Variants in LRRC8C observed in about 807,000 individuals in gnomAD.
LRRC8C encodes leucine rich repeat containing 8 VRAC subunit C.
A neutral mutation model predicts 55.3 loss-of-function variants in LRRC8C; 20 were observed. The observed-to-expected ratio is 0.36, with a 90% confidence interval of 0.25 to 0.53. The LOEUF (loss-of-function observed/expected upper bound fraction) is 0.53. Among genes scored for constraint, LRRC8C ranks in the 20% least tolerant of loss-of-function variants. The pLI, the probability that LRRC8C is intolerant of heterozygous loss-of-function variation, is 0.92. For missense variants in LRRC8C, 659 were observed against 951.4 expected, an observed-to-expected ratio of 0.69 and a Z score of 4.04; for synonymous variants, 376 against 360.7, an observed-to-expected ratio of 1.04 and a Z score of -0.48.
chr1:89,669,759 A>G (rs1393528256), intron 1 of LRRC8C, among the ~76,000 whole-genome samples: 1 of 152,150 alleles, frequency 6.6e-6, no homozygotes, highest in Non-Finnish European at 1.5e-5. Context: ...TATGATTCTG[A>G]AGTATTATTT....
At chr1:89,616,016 G>C in the LRRC8C span, among the ~76,000 whole-genome samples, 2 of 152,210 alleles carry the variant, frequency 1.3e-5, no homozygotes, top group Admixed American at 1.3e-4. Flanking sequence ...TCCACAGACT[G>C]TTCAACATTT....
intron 1 of LRRC8C, among the ~76,000 whole-genome samples, chr1:89,655,635 C>T (rs1473376496): frequency 6.6e-6 from 1 of 152,160 alleles, no homozygotes; most frequent in African/African-American, 2.4e-5. Context: ...TATCATATGG[C>T]AGAAGCCATC....
In LRRC8C at chr1:89,693,646, CTTTTTTTTTTTT is replaced by C. The variant is rs35427989; in HGVS notation, c.138+7053_138+7064del. Among the ~76,000 whole-genome samples, 31 of 82,702 alleles carry C rather than the reference CTTTTTTTTTTTT, an allele frequency of 3.7e-4. 1 individual carries two copies. The East Asian group carries it at 6.4e-3, about 17-fold the overall frequency. 54.3% of individuals were successfully genotyped at this position (82,702 alleles called of 152,430 possible). A position where few individuals can be genotyped will look rare whatever the true frequency, so the allele number is the denominator to read the frequency against. On this transcript the variant is annotated intron_variant, in intron 2 of 2. Transcript: ENST00000370454. Reference sequence around the variant, plus strand: ...GTTCCTTTTCTTTTATCTTTTCTTCCTTTTTTTTTTTTTTTTTTTTTTTTTTTTTGAGACAGA... The same window carrying C: ...GTTCCTTTTCTTTTATCTTTTCTTCCTTTTTTTTTTTTTTTTTGAGACAGA...
At chr1:89,683,362 AT>A (rs71084957) in intron 1 of LRRC8C, among the ~76,000 whole-genome samples, 85 of 144,342 alleles carry the variant, frequency 5.9e-4, no homozygotes, top group African/African-American at 1.9e-3. Context: ...AGATAGACTA[AT>A]TTTTTTTTTT....
Position 89,712,777 on chromosome 1 carries a change from G to C in LRRC8C, c.207G>C (p.Ser69=). The change falls in exon 3 of 3, where the codon TCG becomes TCC. Residue 69 remains serine (S), a synonymous_variant. Transcript: ENST00000370454. ...CTGCTCAGAACCACTCTTCCCTTTC[G>C]AATGTCTCTCAAGCAGTTGCCAGTA... The part of the protein sequence containing the change: ...VQPAQNHSSL[S]NVSQAVASTT... 2 of 1,614,116 alleles carry C rather than the reference G, an allele frequency of 1.2e-6. No homozygotes were observed. Among genetic ancestry groups the C allele is most frequent in the South Asian group, 2.2e-5 (2 of 91,068 alleles).
chr1:89,710,953 A>G (rs934354312), intron 2 of LRRC8C, among the ~76,000 whole-genome samples: 6 of 152,206 alleles, frequency 3.9e-5, no homozygotes, highest in African/African-American at 1.4e-4. Flanking sequence ...CTCCTCATCT[A>G]TAAAATGGAA....
In LRRC8C at chr1:89,649,697, T is replaced by G. The variant is rs531068086; in HGVS notation, c.-5+16375T>G. On this transcript the variant is annotated intron_variant, in intron 1 of 2. Transcript: ENST00000370454. ...AAACACCTTTCCTTGAAACATTCTT[T>G]CAGGCACTATTCCTTTGCCCAGGGT... Among the ~76,000 whole-genome samples, 11 of 152,298 alleles carry G rather than the reference T, an allele frequency of 7.2e-5. 1 individual carries two copies. Among genetic ancestry groups the G allele is most frequent in the African/African-American group, 2.6e-4 (11 of 41,584 alleles).
chr1:89,635,128 A>G (rs1232838629), intron 1 of LRRC8C, among the ~76,000 whole-genome samples: 1 of 152,234 alleles, frequency 6.6e-6, no homozygotes, highest in Non-Finnish European at 1.5e-5. Flanking sequence ...GAGCTGTAAG[A>G]TAAATGAATG....
At chr1:89,695,664 T>C (rs1658154445) in intron 2 of LRRC8C, among the ~76,000 whole-genome samples, 1 of 152,222 alleles carries the variant, frequency 6.6e-6, no homozygotes, top group Non-Finnish European at 1.5e-5. Context: ...TATCTCATCA[T>C]TTTACCTTGT....
chr1:89,645,958 C>CAGGTAGATAGATAGAT (rs1656600729), intron 1 of LRRC8C, among the ~76,000 whole-genome samples: 1 of 150,194 alleles, frequency 6.7e-6, no homozygotes, highest in South Asian at 2.1e-4. Flanking sequence ...GGAAGATGAT[C>CAGGTAGATAGATAGAT]AGATAGATAG....
intron 2 of LRRC8C, among the ~76,000 whole-genome samples, chr1:89,703,159 G>T (rs572923307): frequency 2.0e-4 from 31 of 152,312 alleles, no homozygotes; most frequent in African/African-American, 6.3e-4. Context: ...AAGTGAACCT[G>T]CAGAAAATCC....
At chr1:89,669,781 T>C (rs1367714770) in intron 1 of LRRC8C, among the ~76,000 whole-genome samples, 1 of 152,194 alleles carries the variant, frequency 6.6e-6, no homozygotes, top group Non-Finnish European at 1.5e-5. Flanking sequence ...TATATTCTAG[T>C]ACTATATTAA....
chr1:89,658,631 C>T (rs917535207), intron 1 of LRRC8C, among the ~76,000 whole-genome samples: 2 of 152,048 alleles, frequency 1.3e-5, no homozygotes, highest in African/African-American at 4.8e-5. Context: ...TTAGGAAATC[C>T]TCATTATCTT....
intron 1 of LRRC8C, among the ~76,000 whole-genome samples, chr1:89,636,589 G>A (rs1366586563): frequency 1.3e-5 from 2 of 151,834 alleles, no homozygotes; most frequent in Non-Finnish European, 2.9e-5. Context: ...ATCACTCAGG[G>A]TACCATGACA....
Position 89,713,239 on chromosome 1 carries a change from T to G in LRRC8C, c.669T>G (p.Asp223Glu). 6.2e-7 allele frequency: 1 copy of G among 1,614,212 alleles called. No individual in the cohort carries two copies. The highest frequency in any genetic ancestry group is 8.5e-7 in the Non-Finnish European group (1 of 1,180,046). ...LKSIPEKFVV[D>E]KSTAGALDKK... ...CCATTCCTGAGAAGTTTGTAGTTGATAAATCCACTGCAGGGGCTCTGGATA... is the reference window on the plus strand; with the variant it reads ...CCATTCCTGAGAAGTTTGTAGTTGAGAAATCCACTGCAGGGGCTCTGGATA... The change falls in exon 3 of 3, where the codon GAT becomes GAG. Residue 223 changes from aspartate to glutamate, a missense_variant. Asp to Glu is a conservative substitution (Grantham distance 45). Around this residue, in one of 5 missense-constraint regions of LRRC8C, gnomAD observed 200 missense variants for 360.5 expected, o/e 0.55. Transcript: ENST00000370454. The surrounding 1 kb of genome is among the most constrained non-coding windows in gnomAD (Gnocchi z 5.2).
At chr1:89,669,713 C>G (rs746703502) in intron 1 of LRRC8C, among the ~76,000 whole-genome samples, 4 of 152,162 alleles carry the variant, frequency 2.6e-5, no homozygotes, top group Admixed American at 6.5e-5. Flanking sequence ...GATACAGACT[C>G]AGGCACCCTG....
intron 2 of LRRC8C, 139 bp from the exon 3 acceptor site, chr1:89,712,570 G>C: frequency 1.6e-6 from 1 of 634,842 alleles, no homozygotes; most frequent in South Asian, 2.1e-5. Context: ...ATAAAATCTT[G>C]ATGCTGGAAT....
At chr1:89,675,194 AAAAAAC>A (rs1343194685) in intron 1 of LRRC8C, among the ~76,000 whole-genome samples, 3 of 152,186 alleles carry the variant, frequency 2.0e-5, no homozygotes, top group African/African-American at 2.4e-5. Flanking sequence ...CAAAAAAACA[AAAAAAC>A]AAAAACAAAA....
chr1:89,645,714 T>TTAAA (rs1384766444), intron 1 of LRRC8C, among the ~76,000 whole-genome samples: 2 of 152,102 alleles, frequency 1.3e-5, no homozygotes, highest in Non-Finnish European at 2.9e-5. Context: ...ATTATTGAAA[T>TTAAA]ATTAGAGTGT....
Sources: gnomAD v4.1 joint callset for allele counts (sites outside exome capture counted in the v4.1 genomes callset) on GRCh38, gnomAD v4.1.1 for gene constraint, gnomAD v4.1.1 regional missense constraint, Gnocchi (gnomAD v3.1) non-coding constraint, MANE v1.5 for transcripts, NCBI Gene and HGNC (gene_info 2026-07-23, HGNC 2026-07-21) for gene names.